The following PUM2 variants were observed in gnomAD, a reference collection of about 807,000 sequenced individuals.
PUM2 encodes pumilio homolog 2.
PUM2 carries 57 observed loss-of-function variants against 124.5 expected under a neutral mutation model. The ratio of observed to expected loss-of-function variants is 0.46; its 90% confidence interval spans 0.37 to 0.57. The LOEUF is 0.57. PUM2 is among the 20% of genes least tolerant of loss of function. The probability of loss-of-function intolerance (pLI) is 0.00; values close to 1 mark genes in which losing one functional copy is unlikely to be tolerated. For missense variants in PUM2, 1,065 were observed against 1,290.6 expected (o/e 0.83, Z 2.68); for synonymous variants, 460 against 446.1 (o/e 1.03, Z -0.39).
At chr2:20,287,704 C>G (rs747867174) in intron 10 of PUM2, among the ~76,000 whole-genome samples, 27 of 152,074 alleles carry the variant, frequency 1.8e-4, no homozygotes, top group Non-Finnish European at 3.8e-4. Context: ...TCTCGCAACA[C>G]AGACACTGTC....
At chr2:20,350,441 G>C (rs1689121868) in intron 1 of PUM2, 156 bp downstream of exon 1, 11 of 967,008 alleles carry the variant, frequency 1.1e-5, no homozygotes, top group Non-Finnish European at 1.2e-5. Context: ...TGCATTGTGC[G>C]AGCGGGCCCC....
At chr2:20,266,209 G>A (rs1276145747) in intron 13 of PUM2, among the ~76,000 whole-genome samples, 7 of 152,158 alleles carry the variant, frequency 4.6e-5, no homozygotes, top group Non-Finnish European at 1.0e-4. Context: ...TTGGGAGGCT[G>A]AGGAAGGCAC....
chr2:20,280,188 TA>T (rs1014924068), intron 12 of PUM2, among the ~76,000 whole-genome samples: 1 of 151,982 alleles, frequency 6.6e-6, no homozygotes, highest in Non-Finnish European at 1.5e-5. Context: ...TATAAAGGGG[TA>T]AAAAAACCAG....
rs745789106 is a variant in PUM2, at chr2:20,250,353, T to C, written c.*1232A>G. 2.6e-5 allele frequency: 4 copies of C among 152,664 alleles called. No individual in the cohort carries two copies. The highest frequency in any genetic ancestry group is 3.4e-3 in the Middle Eastern group (1 of 294). The allele number at this position is 152,664 out of a possible 1,614,324, so 9.5% of individuals were successfully genotyped here. On this transcript the variant is annotated 3_prime_UTR_variant, in exon 21 of 21. Transcript: ENST00000361078. ...TAAATTTACATTATACAACACTATATTGCCAGGTCAAAGAGGGCAGGGACG... is the reference window on the plus strand; with the variant it reads ...TAAATTTACATTATACAACACTATACTGCCAGGTCAAAGAGGGCAGGGACG...
At chr2:20,270,040 G>T (rs1668662271) in intron 13 of PUM2, among the ~76,000 whole-genome samples, 1 of 152,006 alleles carries the variant, frequency 6.6e-6, no homozygotes, top group African/African-American at 2.4e-5. Context: ...TCCAAAAGTT[G>T]CCTCAATTTT....
At position 20,324,161 on chromosome 2, in the gene PUM2, G is replaced by A. The variant is rs777378061; in HGVS notation, c.51+3149C>T. Among the ~76,000 whole-genome samples, 29 of 152,052 alleles carry A rather than the reference G, an allele frequency of 1.9e-4. 1 individual carries two copies. The highest frequency in any genetic ancestry group is 3.4e-4 in the Non-Finnish European group (23 of 67,986). ...AAGCAAGAGCATTTCAGAGATACAT[G>A]TGATTCATACAAAAGGTTATTCTTA... On this transcript the variant is annotated intron_variant, in intron 2 of 20. Transcript: ENST00000361078.
In PUM2 at chr2:20,294,476, C is replaced by A. The variant is rs1257909036; in HGVS notation, c.1052G>T (p.Gly351Val). 1 of 1,614,120 alleles carries A rather than the reference C, an allele frequency of 6.2e-7. No individual in the cohort carries two copies. The highest frequency in any genetic ancestry group is 1.1e-5 in the South Asian group (1 of 91,080). Reference sequence around the variant, plus strand: ...CTGAAATAAGTTGGCTGGATACACCCCCCATGGAACGCCGTAATACTGAGG... The same window carrying A: ...CTGAAATAAGTTGGCTGGATACACCACCCATGGAACGCCGTAATACTGAGG... ...VPPQYYGVPW[G>V]VYPANLFQQQ... Residue 351 changes from glycine to valine, a missense_variant, in exon 9 of 21, where the codon GGG becomes GTG. By Grantham distance (109) the Gly-to-Val change is moderately radical. Transcript: ENST00000361078.
chr2:20,335,185 A>C (rs1685740559), intron 1 of PUM2, among the ~76,000 whole-genome samples: 1 of 152,190 alleles, frequency 6.6e-6, no homozygotes, highest in Non-Finnish European at 1.5e-5. Flanking sequence ...TCAGCCCCTC[A>C]AAGTGCTAGG....
chr2:20,250,676 T>TA lies in PUM2; in HGVS notation c.*908_*909insT, dbSNP rs1663090451. 6.6e-6 allele frequency: 1 copy of TA among 152,192 alleles called. No homozygotes were observed. Among genetic ancestry groups the TA allele is most frequent in the Non-Finnish European group, 1.5e-5 (1 of 68,000 alleles). The allele number at this position is 152,192 out of a possible 1,614,324, so 9.4% of individuals were successfully genotyped here. On this transcript the variant is annotated 3_prime_UTR_variant, in exon 21 of 21. Coordinates refer to ENST00000361078, the MANE Select transcript of PUM2 (RefSeq NM_015317.5). Reference sequence around the variant, plus strand: ...GTGGCCCCTTTTCATCTCTATCTGGTTCCTACTTTCTGCCTCTATGAAAAA... The same window carrying TA: ...GTGGCCCCTTTTCATCTCTATCTGGTATCCTACTTTCTGCCTCTATGAAAAA...
intron 6 of PUM2, 38 bp downstream of exon 6, chr2:20,308,276 G>C (rs764183250): frequency 6.3e-7 from 1 of 1,599,886 alleles, no homozygotes; most frequent in Non-Finnish European, 8.5e-7. Flanking sequence ...CCAGTATACA[G>C]TTAAGAGGAC....
chr2:20,336,642 G>A (rs1686087865), intron 1 of PUM2, among the ~76,000 whole-genome samples: 1 of 151,372 alleles, frequency 6.6e-6, no homozygotes, highest in Non-Finnish European at 1.5e-5. Context: ...TCCGCCTTCT[G>A]AGTAACTGGG....
intron 7 of PUM2, among the ~76,000 whole-genome samples, chr2:20,307,378 T>G (rs141863358): frequency 9.9e-5 from 15 of 151,854 alleles, no homozygotes; most frequent in African/African-American, 3.4e-4. Flanking sequence ...GGCATAAAAA[T>G]GTTTACACAA....
chr2:20,318,021 G>C (rs1681416772), intron 3 of PUM2, among the ~76,000 whole-genome samples: 1 of 152,134 alleles, frequency 6.6e-6, no homozygotes, highest in Non-Finnish European at 1.5e-5. Flanking sequence ...TCTTATGGTA[G>C]CACAATTTAT....
In PUM2 at chr2:20,263,455, GTCC is replaced by G. The variant is rs1353833523; in HGVS notation, c.1960_1962del (p.Gly654del). ...ATATATCGACCACTACCATTTGTCA[GTCC>G]TCCTACAACAAAGCAGCTATGGTCA... is the stretch of plus-strand genomic sequence containing the variant. On this transcript the variant is annotated inframe_deletion and splice_region_variant, in exon 14 of 21. Coordinates refer to ENST00000361078, the MANE Select transcript of PUM2 (RefSeq NM_015317.5). The G allele has an allele frequency of 1.2e-6, 2 of 1,607,988 alleles. No homozygotes were observed. Among genetic ancestry groups the G allele is most frequent in the Admixed American group, 1.7e-5 (1 of 59,902 alleles).
At chr2:20,334,566 A>C (rs1162964887) in intron 1 of PUM2, among the ~76,000 whole-genome samples, 1 of 152,212 alleles carries the variant, frequency 6.6e-6, no homozygotes, top group Admixed American at 6.5e-5. Flanking sequence ...TTCAACATTT[A>C]ATGAATGAAA....
chr2:20,300,972 G>A (rs909080980), intron 7 of PUM2, among the ~76,000 whole-genome samples: 75 of 152,258 alleles, frequency 4.9e-4, no homozygotes, highest in African/African-American at 1.8e-3. Flanking sequence ...TGCATTCAGT[G>A]AAAAACTAAT....
chr2:20,262,756 T>G (rs1446988010), intron 14 of PUM2, among the ~76,000 whole-genome samples: 1 of 152,224 alleles, frequency 6.6e-6, no homozygotes, highest in South Asian at 2.1e-4. Flanking sequence ...CGTTTTAATG[T>G]AAAAAGGCAC....
intron 5 of PUM2, 120 bp downstream of exon 5, chr2:20,311,374 T>C: frequency 8.4e-7 from 1 of 1,186,340 alleles, no homozygotes; most frequent in Middle Eastern, 2.6e-4. Context: ...TTGTCCAGAT[T>C]AACACAAAGT....
intron 2 of PUM2, among the ~76,000 whole-genome samples, chr2:20,324,855 C>T (rs1198654348): frequency 1.3e-5 from 2 of 148,612 alleles, no homozygotes; most frequent in African/African-American, 5.0e-5. Flanking sequence ...TAGAGATTTA[C>T]AACACTTAAG....
Sources: allele counts gnomAD v4.1 joint callset (sites outside exome capture counted in the v4.1 genomes callset), GRCh38; gene constraint gnomAD v4.1.1; transcripts MANE v1.5; gene names NCBI Gene and HGNC (gene_info 2026-07-23, HGNC 2026-07-21).